Variants in ACVR2A observed in about 807,000 individuals in gnomAD.
ACVR2A encodes activin A receptor type 2A.
ACVR2A carries 7 observed loss-of-function variants against 61.4 expected under a neutral mutation model. That is an observed-to-expected ratio of 0.11 (90% CI 0.06 to 0.21). The LOEUF is 0.21. ACVR2A is among the 10% of genes least tolerant of loss of function. The pLI is 1.00. For missense variants in ACVR2A, 322 were observed against 621.7 expected, an observed-to-expected ratio of 0.52 and a Z score of 5.13; for synonymous variants, 193 against 208.3, an observed-to-expected ratio of 0.93 and a Z score of 0.63.
At chr2:147,886,835 A>C (rs894682252) in intron 1 of ACVR2A, among the ~76,000 whole-genome samples, 1 of 151,534 alleles carries the variant, frequency 6.6e-6, no homozygotes, top group Non-Finnish European at 1.5e-5. Flanking sequence ...AGACCCCAAA[A>C]ACTCCTTAAT....
At chr2:147,876,299 A>G (rs1411127157) in intron 1 of ACVR2A, among the ~76,000 whole-genome samples, 2 of 151,990 alleles carry the variant, frequency 1.3e-5, no homozygotes, top group Non-Finnish European at 2.9e-5. Flanking sequence ...TTTTTATTGT[A>G]TAGTATAAAT....
At chr2:147,852,838 C>T (rs1307759964) in intron 1 of ACVR2A, among the ~76,000 whole-genome samples, 1 of 151,950 alleles carries the variant, frequency 6.6e-6, no homozygotes, top group African/African-American at 2.4e-5. Flanking sequence ...GTAAACTTGA[C>T]CATGGATGAA....
intron 1 of ACVR2A, among the ~76,000 whole-genome samples, chr2:147,879,588 GAT>G (rs1450943779): frequency 6.6e-6 from 1 of 152,200 alleles, no homozygotes; most frequent in African/African-American, 2.4e-5. Context: ...CAAGGCCTGA[GAT>G]AGTTTGATGT....
chr2:147,907,450 C>T (rs977684206), intron 4 of ACVR2A, among the ~76,000 whole-genome samples: 1 of 152,168 alleles, frequency 6.6e-6, no homozygotes, highest in Admixed American at 6.5e-5. Context: ...AATTTACATT[C>T]CCACCAACAA....
At chr2:147,893,737 A>G (rs560079411) in intron 1 of ACVR2A, among the ~76,000 whole-genome samples, 220 of 152,220 alleles carry the variant, frequency 1.4e-3, no homozygotes, top group African/African-American at 5.0e-3. Flanking sequence ...GTTTTTTCCT[A>G]TGATTGACTT....
In ACVR2A at chr2:147,906,816, C is replaced by G. The variant is rs903226794; in HGVS notation, c.528+6918C>G. Among the ~76,000 whole-genome samples the G allele has an allele frequency of 2.3e-5, 3 of 132,956 alleles. No homozygotes were observed. In the Admixed American group the frequency reaches 2.4e-4, roughly 11 times the overall value. The allele number at this position is 132,956 out of a possible 152,430, so 87.2% of individuals were successfully genotyped here. A position where few individuals can be genotyped will look rare whatever the true frequency, so the allele number is the denominator to read the frequency against. On this transcript the variant is annotated intron_variant, in intron 4 of 10. Transcript: ENST00000241416. ...TGGGGTTCTGTCCTGTTTATCAAGT[C>G]CATTTTTTTTTTTTTTTTTTTTTAA...
intron 1 of ACVR2A, among the ~76,000 whole-genome samples, chr2:147,881,913 A>G (rs555360618): frequency 6.6e-6 from 1 of 152,232 alleles, no homozygotes; most frequent in East Asian, 1.9e-4. Flanking sequence ...TGTTAATACA[A>G]AAATGTACCG....
intron 4 of ACVR2A, 69 bp from the exon 5 acceptor site, chr2:147,915,122 T>C (rs906903719): frequency 1.3e-6 from 2 of 1,486,700 alleles, no homozygotes; most frequent in Non-Finnish European, 1.9e-6. Context: ...ACTCACTTTT[T>C]TTCTCATTTT....
intron 1 of ACVR2A, among the ~76,000 whole-genome samples, chr2:147,869,083 G>A (rs573386780): frequency 1.3e-5 from 2 of 152,122 alleles, no homozygotes; most frequent in South Asian, 4.1e-4. Context: ...TCCTTGACGA[G>A]TTCTAGATTT....
chr2:147,890,341 A>AGTGT (rs60514095), intron 1 of ACVR2A, among the ~76,000 whole-genome samples: 42,265 of 148,730 alleles, frequency 0.28, 6,191 homozygotes, highest in East Asian at 0.43. Flanking sequence ...CCATTAGTAT[A>AGTGT]GTGTGTGTGT....
chr2:147,907,255 G>T (rs1191639801), intron 4 of ACVR2A, among the ~76,000 whole-genome samples: 1 of 152,098 alleles, frequency 6.6e-6, no homozygotes, highest in Non-Finnish European at 1.5e-5. Context: ...GGGCATTTGG[G>T]TTGGTTCCAT....
At chr2:147,846,201 T>C (rs1010226853) in intron 1 of ACVR2A, among the ~76,000 whole-genome samples, 17 of 152,080 alleles carry the variant, frequency 1.1e-4, no homozygotes, top group Non-Finnish European at 2.9e-5. Flanking sequence ...GATGAAACAT[T>C]TTAAATAAGT....
Position 147,926,019 on chromosome 2 carries a change from C to T in ACVR2A, c.1217-12C>T. 6.3e-7 allele frequency: 1 copy of T among 1,591,458 alleles called. No homozygotes were observed. Among genetic ancestry groups the T allele is most frequent in the Non-Finnish European group, 8.5e-7 (1 of 1,172,784 alleles). ...AATGAAAATGATTTATTTTACTTTTCTTACTTTTCAGGACCTGTAGATGAA... is the reference window on the plus strand; with the variant it reads ...AATGAAAATGATTTATTTTACTTTTTTTACTTTTCAGGACCTGTAGATGAA... On this transcript the variant is annotated splice_polypyrimidine_tract_variant and intron_variant, in intron 9 of 10. Coordinates refer to ENST00000241416, the MANE Select transcript of ACVR2A (RefSeq NM_001616.5).
intron 1 of ACVR2A, among the ~76,000 whole-genome samples, chr2:147,883,605 T>C (rs1431372958): frequency 6.6e-6 from 1 of 152,154 alleles, no homozygotes; most frequent in African/African-American, 2.4e-5. Flanking sequence ...AGCAACATAG[T>C]TATGAAAAAA....
At chr2:147,914,078 C>T (rs946452473) in intron 4 of ACVR2A, among the ~76,000 whole-genome samples, 3 of 151,896 alleles carry the variant, frequency 2.0e-5, no homozygotes, top group Non-Finnish European at 4.4e-5. Context: ...AAAGAAAGCA[C>T]TAACTGTCTT....
At chr2:147,890,723 A>T (rs533392179) in intron 1 of ACVR2A, among the ~76,000 whole-genome samples, 2 of 152,294 alleles carry the variant, frequency 1.3e-5, no homozygotes, top group Admixed American at 1.3e-4. Flanking sequence ...AATATACATA[A>T]ATAACCATGC....
chr2:147,847,874 G>C (rs1313341580), intron 1 of ACVR2A, among the ~76,000 whole-genome samples: 1 of 152,180 alleles, frequency 6.6e-6, no homozygotes. Context: ...TGAAGTATGA[G>C]AATGACTTTA....
At position 147,896,170 on chromosome 2, in the gene ACVR2A, A is replaced by C. The variant is rs1247398943; in HGVS notation, c.56-131A>C. ...AGTACAGGGATTAACCTGGAAACCT[A>C]AACCCAAAGTTATAAGTGGGAAGAC... On this transcript the variant is annotated intron_variant, in intron 1 of 10. Coordinates refer to ENST00000241416, the MANE Select transcript of ACVR2A (RefSeq NM_001616.5). 9.2e-6 allele frequency: 7 copies of C among 763,224 alleles called. No homozygotes were observed. In the East Asian group the frequency reaches 1.9e-4, roughly 21 times the overall value. The allele number at this position is 763,224 out of a possible 1,614,324, so 47.3% of individuals were successfully genotyped here. A position where few individuals can be genotyped will look rare whatever the true frequency, so the allele number is the denominator to read the frequency against.
intron 8 of ACVR2A, among the ~76,000 whole-genome samples, chr2:147,921,536 A>T (rs1053602712): frequency 7.2e-5 from 11 of 152,164 alleles, no homozygotes; most frequent in African/African-American, 2.4e-4. Flanking sequence ...TGGCACCACC[A>T]ATTTTGGCAG....
Sources: gnomAD v4.1 joint callset for allele counts (sites outside exome capture counted in the v4.1 genomes callset) on GRCh38, gnomAD v4.1.1 for gene constraint, MANE v1.5 for transcripts, NCBI Gene and HGNC (gene_info 2026-07-23, HGNC 2026-07-21) for gene names.